DNAH12: variants seen among roughly 807,000 people sequenced by gnomAD.
The protein encoded by DNAH12 is axonemal beta dynein heavy chain 12.
DNAH12 carries 285 observed loss-of-function variants against 371.5 expected under a neutral mutation model. The observed-to-expected ratio is 0.77, with a 90% CI of 0.70 to 0.85. The LOEUF (loss-of-function observed/expected upper bound fraction) is 0.85, where lower values mean the gene tolerates loss of function less well. Among genes scored for constraint, DNAH12 ranks in the 40% least tolerant of loss-of-function variants. DNAH12 has a pLI of 0.00. For missense variants in DNAH12, 3,611 were observed against 3,689.4 expected (o/e 0.98, Z 0.55); for synonymous variants, 1,200 against 1,213.0 (o/e 0.99, Z 0.22).
intron 12 of DNAH12, among the ~76,000 whole-genome samples, chr3:57,486,789 C>T (rs1162627585): frequency 6.6e-6 from 1 of 151,536 alleles, no homozygotes; most frequent in East Asian, 1.9e-4. Flanking sequence ...TACTGCACTT[C>T]GGTCCGGGCA....
rs1332192311 is a variant in DNAH12, at chr3:57,425,160, A to G, written c.5254-19T>C. 2.1e-5 allele frequency: 14 copies of G among 681,462 alleles called. No individual in the cohort carries two copies. The highest frequency in any genetic ancestry group is 3.4e-5 in the Non-Finnish European group (13 of 379,154). The allele number at this position is 681,462 out of a possible 1,614,324, so 42.2% of individuals were successfully genotyped here. A position where few individuals can be genotyped will look rare whatever the true frequency, so the allele number is the denominator to read the frequency against. On this transcript the variant is annotated intron_variant, in intron 34 of 73. Coordinates refer to ENST00000495027, the MANE Select transcript of DNAH12 (RefSeq NM_001366028.2). ...TCAGTTCCTGCAAGGTGAAAATAAG[A>G]TAACTTTCTTAATTTTCATCTTATT...
At chr3:57,546,638 C>G (rs2069579679), upstream of DNAH12, among the ~76,000 whole-genome samples, 1 of 152,164 alleles carries the variant, frequency 6.6e-6, no homozygotes, top group South Asian at 2.1e-4. Context: ...GCCACCATAT[C>G]TAGCCTGAAT....
chr3:57,436,787 G>T (rs2065139442), intron 30 of DNAH12, among the ~76,000 whole-genome samples, 164 bp downstream of exon 30: 1 of 152,118 alleles, frequency 6.6e-6, no homozygotes, highest in Admixed American at 6.5e-5. Flanking sequence ...CATGTAGTAT[G>T]AGAAATAAAC....
chr3:57,430,433 T>C (rs1241469608), intron 32 of DNAH12, among the ~76,000 whole-genome samples: 1 of 152,118 alleles, frequency 6.6e-6, no homozygotes, highest in Non-Finnish European at 1.5e-5. Flanking sequence ...CAGAAATGTC[T>C]TTTCAATGGA....
intron 59 of DNAH12, among the ~76,000 whole-genome samples, chr3:57,354,695 C>T (rs1263443920): frequency 6.6e-6 from 1 of 151,886 alleles, no homozygotes; most frequent in Non-Finnish European, 1.5e-5. Context: ...TCATAGTAAC[C>T]CCAAACTGGA....
chr3:57,366,248 T>C (rs1394300865), intron 57 of DNAH12, among the ~76,000 whole-genome samples: 1 of 152,100 alleles, frequency 6.6e-6, no homozygotes, highest in Admixed American at 6.6e-5. Context: ...GCTATGACAA[T>C]GTCAAAAAGT....
At chr3:57,419,311 C>A in intron 37 of DNAH12, 56 bp downstream of exon 37, 1 of 1,436,740 alleles carries the variant, frequency 7.0e-7, no homozygotes, top group Non-Finnish European at 9.1e-7. Flanking sequence ...TTGCCATAAT[C>A]CTATTAAAAT....
chr3:57,403,579 T>A, intron 42 of DNAH12, 78 bp from the exon 43 acceptor site: 1 of 1,307,948 alleles, frequency 7.6e-7, no homozygotes, highest in Non-Finnish European at 1.0e-6. Flanking sequence ...ATTGTTTCAC[T>A]TTCCTAGAAG....
rs1444883734 is a variant in DNAH12, at chr3:57,504,006, G to A, written c.1086+10C>T. 1 of 1,606,176 alleles carries A rather than the reference G, an allele frequency of 6.2e-7. No individual in the cohort carries two copies. Among genetic ancestry groups the A allele is most frequent in the Non-Finnish European group, 8.5e-7 (1 of 1,174,718 alleles). ...TTAAAATTCTTTCCCGATGGGTAAA[G>A]ATGTAATACCTGCAGAGCTTCGGCT... On this transcript the variant is annotated intron_variant, in intron 9 of 73. Transcript: ENST00000495027.
chr3:57,424,432 C>G (rs1309222464), intron 35 of DNAH12, among the ~76,000 whole-genome samples: 1 of 145,260 alleles, frequency 6.9e-6, no homozygotes, highest in Non-Finnish European at 1.5e-5. Context: ...GATCGCACCA[C>G]TGCACTCCAG....
chr3:57,433,294 C>T, intron 32 of DNAH12, 73 bp downstream of exon 32: 1 of 1,452,954 alleles, frequency 6.9e-7, no homozygotes, highest in Non-Finnish European at 9.1e-7. Context: ...TAAATAGAGT[C>T]CTAGTTTAGT....
intron 5 of DNAH12, among the ~76,000 whole-genome samples, chr3:57,509,865 A>T: frequency 1.1e-5 from 1 of 94,452 alleles, no homozygotes; most frequent in African/African-American, 6.5e-5. Context: ...CCATCATAAA[A>T]AAAAAAAAAA....
intron 25 of DNAH12, among the ~76,000 whole-genome samples, chr3:57,449,638 G>C (rs1222118451): frequency 1.3e-5 from 2 of 152,214 alleles, no homozygotes; most frequent in Non-Finnish European, 2.9e-5. Flanking sequence ...CGGCTGCTCA[G>C]AGTGCGGGGC....
At chr3:57,385,653 C>A (rs886401444) in intron 47 of DNAH12, among the ~76,000 whole-genome samples, 3,605 of 152,164 alleles carry the variant, frequency 0.024, 66 homozygotes, top group Admixed American at 0.035. Flanking sequence ...AGGTCAAGGC[C>A]GGTGGACTGC....
chr3:57,504,092 A>G lies in DNAH12; in HGVS notation c.1010T>C (p.Met337Thr). ...KIELTFDDDK[M>T]EFYPTFQDLE... ...ATCTTGAAAGGTAGGATAAAATTCC[A>G]TTTTGTCGTCATCAAATGTCAATTC... Residue 337 changes from methionine to threonine, a missense_variant, in exon 9 of 74, where the codon ATG becomes ACG. Around this residue, in one of 3 missense-constraint regions of DNAH12, gnomAD observed 1,314 missense variants for 1,398.7 expected, o/e 0.94. Transcript: ENST00000495027. 1.9e-6 allele frequency: 3 copies of G among 1,614,048 alleles called. No homozygotes were observed. The highest frequency in any genetic ancestry group is 1.7e-5 in the Admixed American group (1 of 60,020).
chr3:57,405,243 T>A, intron 41 of DNAH12, 96 bp from the exon 42 acceptor site: 2 of 1,111,810 alleles, frequency 1.8e-6, no homozygotes, highest in Non-Finnish European at 2.5e-6. Flanking sequence ...ATAAAGTAAT[T>A]AAGTTTTTAA....
chr3:57,352,473 CCT>C (rs1298548549), intron 59 of DNAH12, among the ~76,000 whole-genome samples: 1 of 151,880 alleles, frequency 6.6e-6, no homozygotes, highest in Non-Finnish European at 1.5e-5. Context: ...GTACGTGAAA[CCT>C]CTCTGCACGT....
rs1253426322 is a variant in DNAH12 at position 57,446,280 on chromosome 3, AAG to A, written c.3940-12_3940-11del. ...CCAGTCCTTTAAAAAACTAAGGACA[AAG>A]AAAAAGGAAAGTGATTTTTTTCTCA... On this transcript the variant is annotated splice_polypyrimidine_tract_variant and intron_variant, in intron 26 of 73. Transcript: ENST00000495027. 2 of 1,543,034 alleles carry A rather than the reference AAG, an allele frequency of 1.3e-6. No individual in the cohort carries two copies. Among genetic ancestry groups the A allele is most frequent in the Non-Finnish European group, 8.8e-7 (1 of 1,142,476 alleles).
chr3:57,500,306 G>A (rs2067495985), intron 11 of DNAH12, among the ~76,000 whole-genome samples: 1 of 152,124 alleles, frequency 6.6e-6, no homozygotes, highest in Non-Finnish European at 1.5e-5. Flanking sequence ...CTCCTAAAGT[G>A]CTGAGATTAC....
Sources: gnomAD v4.1 joint callset for allele counts (sites outside exome capture counted in the v4.1 genomes callset) on GRCh38, gnomAD v4.1.1 for gene constraint, gnomAD v4.1.1 regional missense constraint, MANE v1.5 for transcripts, NCBI Gene and HGNC (gene_info 2026-07-23, HGNC 2026-07-21) for gene names.